The following INPP5A variants were observed in gnomAD, a reference collection of about 807,000 sequenced individuals.
The protein encoded by INPP5A is 43 kDa inositol polyphosphate 5-phophatase.
A neutral mutation model predicts 65.2 loss-of-function variants in INPP5A; 14 were observed. The ratio of observed to expected loss-of-function variants is 0.21; its 90% CI spans 0.14 to 0.34. The LOEUF (loss-of-function observed/expected upper bound fraction) is 0.34, where lower values mean the gene tolerates loss of function less well. Among genes scored for constraint, INPP5A ranks in the 10% least tolerant of loss-of-function variants. The pLI is 1.00. For synonymous variants in INPP5A, 207 were observed against 208.3 expected (o/e 0.99, Z 0.05); for missense variants, 431 against 545.6 (o/e 0.79, Z 2.09).
chr10:132,711,760 T>TAG (rs1845640816), intron 8 of INPP5A, among the ~76,000 whole-genome samples: 1 of 152,220 alleles, frequency 6.6e-6, no homozygotes, highest in African/African-American at 2.4e-5. Flanking sequence ...CAGAGCAGAA[T>TAG]AACTGAGTCA....
intron 2 of INPP5A, among the ~76,000 whole-genome samples, chr10:132,617,579 G>T (rs975972145): frequency 3.3e-5 from 5 of 152,206 alleles, no homozygotes; most frequent in Admixed American, 1.3e-4. Flanking sequence ...CAGACTGCAG[G>T]TGAGGTAGCC....
intron 1 of INPP5A, 52 bp from the exon 2 acceptor site, chr10:132,607,863 T>A: frequency 1.9e-6 from 3 of 1,554,354 alleles, no homozygotes; most frequent in Non-Finnish European, 2.6e-6. Flanking sequence ...TGGCTCTGTT[T>A]AGGGCTGTGC....
Position 132,616,494 on chromosome 10 carries a change from G to T in INPP5A, c.117+8538G>T, listed in dbSNP as rs1026411153. The stretch of plus-strand genomic sequence containing the variant: ...TGGTGGTGTAGAATGTGGTGCTGAT[G>T]GATGTGGTGTGTGTGGGATGCTGTG... On this transcript the variant is annotated intron_variant, in intron 2 of 15. Transcript: ENST00000368594. The surrounding 1 kb of genome is among the most constrained non-coding windows in gnomAD (Gnocchi z 4.9). Among the ~76,000 whole-genome samples the T allele has an allele frequency of 3.3e-5, 5 of 152,146 alleles. No individual in the cohort carries two copies. Among genetic ancestry groups the T allele is most frequent in the Admixed American group, 3.3e-4 (5 of 15,288 alleles).
intron 1 of INPP5A, among the ~76,000 whole-genome samples, chr10:132,567,467 C>T (rs2071286486): frequency 6.6e-6 from 1 of 152,158 alleles, no homozygotes; most frequent in African/African-American, 2.4e-5. Context: ...TTTTAAAAAC[C>T]TTTGTATGGT....
chr10:132,577,945 A>G (rs1050094020), intron 1 of INPP5A, among the ~76,000 whole-genome samples: 2 of 152,164 alleles, frequency 1.3e-5, no homozygotes, highest in Admixed American at 1.3e-4. Flanking sequence ...TGCTCCATGA[A>G]GCTGGCAGCT....
At chr10:132,685,527 A>AGGTTAATG (rs1331423096) in intron 4 of INPP5A, among the ~76,000 whole-genome samples, 1 of 152,268 alleles carries the variant, frequency 6.6e-6, no homozygotes, top group African/African-American at 2.4e-5. Context: ...GCAGAAGACC[A>AGGTTAATG]GGTTAATGAT....
At position 132,638,107 on chromosome 10, in the gene INPP5A, C is replaced by T. The variant is rs147270452; in HGVS notation, c.118-7761C>T. ...TGATTTGCTGGCGCTCTTTCTCTTTCAAGTCCCTCTTTTCCTGCCTTTTCT... is the reference window on the plus strand; with the variant it reads ...TGATTTGCTGGCGCTCTTTCTCTTTTAAGTCCCTCTTTTCCTGCCTTTTCT... On this transcript the variant is annotated intron_variant, in intron 2 of 15. Transcript: ENST00000368594. 1.1e-3 allele frequency among the ~76,000 whole-genome samples: 168 copies of T among 152,288 alleles called. 1 individual carries two copies. Among genetic ancestry groups the T allele is most frequent in the African/African-American group, 3.7e-3 (155 of 41,558 alleles).
chr10:132,670,029 C>T (rs2133433132), intron 4 of INPP5A, among the ~76,000 whole-genome samples: 1 of 145,912 alleles, frequency 6.9e-6, no homozygotes, highest in South Asian at 2.3e-4. Flanking sequence ...TGACCCCACA[C>T]CCCCAGCCCC....
chr10:132,782,354 G>C lies in INPP5A; in HGVS notation c.*325G>C, dbSNP rs1040105263. 3.0e-6 allele frequency: 1 copy of C among 330,764 alleles called. No individual in the cohort carries two copies. Among genetic ancestry groups the C allele is most frequent in the Non-Finnish European group, 5.8e-6 (1 of 171,454 alleles). 20.5% of individuals were successfully genotyped at this position (330,764 alleles called of 1,614,324 possible). On this transcript the variant is annotated 3_prime_UTR_variant, in exon 16 of 16. Coordinates refer to ENST00000368594, the MANE Select transcript of INPP5A (RefSeq NM_005539.5). This position sits in a 1 kb window ranked among gnomAD's most constrained non-coding sequence, Gnocchi z 4.4. ...GACTTCACAGTTTTCAGTTTTTAATGATTGCCAGTGGAGGGGCTTCTTCAG... is the reference window on the plus strand; with the variant it reads ...GACTTCACAGTTTTCAGTTTTTAATCATTGCCAGTGGAGGGGCTTCTTCAG...
At chr10:132,749,638 G>A (rs750479854) in intron 10 of INPP5A, 26 bp downstream of exon 10, 2 of 1,608,680 alleles carry the variant, frequency 1.2e-6, no homozygotes, top group African/African-American at 1.3e-5. Context: ...GACTGGGCAG[G>A]TGACGCACGG....
At chr10:132,571,027 G>GGC (rs1156682191) in intron 1 of INPP5A, among the ~76,000 whole-genome samples, 3 of 152,252 alleles carry the variant, frequency 2.0e-5, no homozygotes, top group Admixed American at 6.5e-5. Flanking sequence ...GTGGGTTCGG[G>GGC]GCGTTGGAAC....
At chr10:132,641,056 G>GTTCACTGCCTCGA (rs763670691) in intron 2 of INPP5A, among the ~76,000 whole-genome samples, 16 of 152,208 alleles carry the variant, frequency 1.1e-4, no homozygotes, top group Non-Finnish European at 2.4e-4. Context: ...AGCTGCTGGT[G>GTTCACTGCCTCGA]TTCACTGCCT....
intron 8 of INPP5A, among the ~76,000 whole-genome samples, chr10:132,716,057 A>T (rs926372634): frequency 9.2e-5 from 14 of 152,102 alleles, no homozygotes; most frequent in African/African-American, 3.4e-4. Context: ...GCCTCAGCTG[A>T]TCCATGGCTG....
chr10:132,723,155 C>A (rs1845916856), intron 8 of INPP5A, among the ~76,000 whole-genome samples: 1 of 152,220 alleles, frequency 6.6e-6, no homozygotes. Flanking sequence ...AGGACGATGA[C>A]GCGGCGTCTC....
intron 1 of INPP5A, among the ~76,000 whole-genome samples, chr10:132,566,079 T>A (rs1363109115): frequency 6.6e-6 from 1 of 152,166 alleles, no homozygotes; most frequent in African/African-American, 2.4e-5. Context: ...TGTGTGGTCG[T>A]CCTTGGTTCT....
In INPP5A at chr10:132,644,270, G is replaced by A. The variant is rs960509849; in HGVS notation, c.118-1598G>A. On this transcript the variant is annotated intron_variant, in intron 2 of 15. Coordinates refer to ENST00000368594, the MANE Select transcript of INPP5A (RefSeq NM_005539.5). The surrounding 1 kb of genome is among the most constrained non-coding windows in gnomAD (Gnocchi z 6.5). ...CCACTCGGTGCATCCACGCAGAGGC[G>A]GCTGCGAACTCAGGCACGGCCGCCC... Among the ~76,000 whole-genome samples, 12 of 152,222 alleles carry A rather than the reference G, an allele frequency of 7.9e-5. No homozygotes were observed. The highest frequency in any genetic ancestry group is 1.9e-4 in the East Asian group (1 of 5,192).
At chr10:132,695,322 G>T (rs1211387969) in intron 5 of INPP5A, among the ~76,000 whole-genome samples, 1 of 152,076 alleles carries the variant, frequency 6.6e-6, no homozygotes, top group Non-Finnish European at 1.5e-5. Flanking sequence ...AAAACTCCCA[G>T]CAAACTAGGA....
At chr10:132,539,300 A>G (rs2070880289) in intron 1 of INPP5A, among the ~76,000 whole-genome samples, 1 of 152,082 alleles carries the variant, frequency 6.6e-6, no homozygotes, top group Non-Finnish European at 1.5e-5. Flanking sequence ...TAACCCTGCC[A>G]CTTAGTATCT....
intron 8 of INPP5A, among the ~76,000 whole-genome samples, chr10:132,725,296 G>A (rs1845966558): frequency 6.6e-6 from 1 of 152,254 alleles, no homozygotes; most frequent in Non-Finnish European, 1.5e-5. Flanking sequence ...ATGAAAGTGT[G>A]ACCTGCACGG....
Sources: gnomAD v4.1 joint callset for allele counts (sites outside exome capture counted in the v4.1 genomes callset) on GRCh38, gnomAD v4.1.1 for gene constraint, Gnocchi (gnomAD v3.1) non-coding constraint, MANE v1.5 for transcripts, NCBI Gene and HGNC (gene_info 2026-07-23, HGNC 2026-07-21) for gene names.